The following PRICKLE2 variants were observed in gnomAD, a reference collection of about 807,000 sequenced individuals.
The protein encoded by PRICKLE2 is prickle planar cell polarity protein 2, also known as prickle-like protein 2.
PRICKLE2 carries 21 observed loss-of-function variants against 81.4 expected under a neutral mutation model. The ratio of observed to expected loss-of-function variants is 0.26; its 90% CI spans 0.18 to 0.37. PRICKLE2 has a LOEUF of 0.37. PRICKLE2 is among the 10% of genes least tolerant of loss of function. PRICKLE2 has a pLI of 1.00. For missense variants in PRICKLE2, 940 were observed against 1,109.0 expected, an observed-to-expected ratio of 0.85 and a Z score of 2.16; for synonymous variants, 456 against 421.5, an observed-to-expected ratio of 1.08 and a Z score of -1.00.
chr3:64,181,121 G>A (rs2078124560), intron 2 of PRICKLE2, among the ~76,000 whole-genome samples: 1 of 152,140 alleles, frequency 6.6e-6, no homozygotes, highest in Admixed American at 6.6e-5. Context: ...TGATAATTGG[G>A]CAAGTTATAG....
At chr3:64,222,600 G>A (rs760018992) in intron 1 of PRICKLE2, among the ~76,000 whole-genome samples, 9 of 152,162 alleles carry the variant, frequency 5.9e-5, no homozygotes, top group Non-Finnish European at 1.0e-4. Flanking sequence ...GCCATGGTAG[G>A]CAGGCAGGCA....
intron 2 of PRICKLE2, among the ~76,000 whole-genome samples, chr3:64,264,396 G>T (rs2079665980): frequency 6.6e-6 from 1 of 152,120 alleles, no homozygotes; most frequent in Admixed American, 6.5e-5. Flanking sequence ...TCATACTACA[G>T]ACCTATGAAA....
At chr3:64,188,050 A>T (rs2078267195) in intron 2 of PRICKLE2, among the ~76,000 whole-genome samples, 1 of 152,226 alleles carries the variant, frequency 6.6e-6, no homozygotes, top group African/African-American at 2.4e-5. Flanking sequence ...AGGCAAAAAG[A>T]CAGGAATGGG....
At chr3:64,156,327 C>A (rs1187915133) in intron 5 of PRICKLE2, among the ~76,000 whole-genome samples, 3 of 152,144 alleles carry the variant, frequency 2.0e-5, no homozygotes, top group Non-Finnish European at 2.9e-5. Flanking sequence ...TAACAGTAGG[C>A]TGTCTGGCTG....
At chr3:64,160,987 A>C (rs973043914) in intron 3 of PRICKLE2, among the ~76,000 whole-genome samples, 1 of 151,674 alleles carries the variant, frequency 6.6e-6, no homozygotes, top group Non-Finnish European at 1.5e-5. Context: ...AACAAACAAA[A>C]AAACCAGAAG....
intron 1 of PRICKLE2, among the ~76,000 whole-genome samples, chr3:64,203,516 C>A (rs2078627067): frequency 6.6e-6 from 1 of 152,282 alleles, no homozygotes; most frequent in East Asian, 1.9e-4. Context: ...ACCAATTAAA[C>A]TCATTTATTC....
At chr3:64,180,014 C>G (rs695936) in intron 2 of PRICKLE2, among the ~76,000 whole-genome samples, 28,320 of 152,170 alleles carry the variant, frequency 0.19, 3,084 homozygotes, top group East Asian at 0.49. Flanking sequence ...ACCTTAAATA[C>G]TAAACAGGCC....
At chr3:64,156,400 C>T (rs2077635917) in intron 5 of PRICKLE2, among the ~76,000 whole-genome samples, 1 of 152,222 alleles carries the variant, frequency 6.6e-6, no homozygotes, top group Non-Finnish European at 1.5e-5. Context: ...ATGCAAAAAA[C>T]TCCTTTGCAC....
At chr3:64,204,756 A>G (rs574553301) in intron 1 of PRICKLE2, among the ~76,000 whole-genome samples, 2 of 152,078 alleles carry the variant, frequency 1.3e-5, no homozygotes, top group Non-Finnish European at 2.9e-5. Flanking sequence ...GTGGCAAGAC[A>G]TTTTTCTTTG....
Position 64,098,584 on chromosome 3 carries a change from T to C in PRICKLE2, c.*467A>G, listed in dbSNP as rs1281140119. 2.3e-5 allele frequency: 4 copies of C among 176,066 alleles called. No homozygotes were observed. The highest frequency in any genetic ancestry group is 4.8e-5 in the African/African-American group (2 of 41,870). 10.9% of individuals were successfully genotyped at this position (176,066 alleles called of 1,614,324 possible). A position where few individuals can be genotyped will look rare whatever the true frequency, so the allele number is the denominator to read the frequency against. ...TGAGTCCTACGATATAGAAATTCCT[T>C]TGATATTACAAAATACAAAAATATT... On this transcript the variant is annotated 3_prime_UTR_variant, in exon 8 of 8. Coordinates refer to ENST00000638394, the MANE Select transcript of PRICKLE2 (RefSeq NM_198859.4).
intron 2 of PRICKLE2, among the ~76,000 whole-genome samples, chr3:64,165,061 G>A (rs17720984): frequency 0.21 from 31,227 of 152,078 alleles, 3,623 homozygotes; most frequent in Non-Finnish European, 0.25. Flanking sequence ...TTCCATTGTC[G>A]TTATGGAACA....
At chr3:64,199,126 G>A in intron 1 of PRICKLE2, 159 bp from the exon 2 acceptor site, 1 of 696,404 alleles carries the variant, frequency 1.4e-6, no homozygotes, top group South Asian at 1.8e-5. Flanking sequence ...GAACATGACT[G>A]TCTTTGCAGA....
At chr3:64,225,926 C>T (rs1315630742), upstream of PRICKLE2, among the ~76,000 whole-genome samples, 1 of 150,504 alleles carries the variant, frequency 6.6e-6, no homozygotes, top group Non-Finnish European at 1.5e-5. Context: ...CTTTCATTTT[C>T]GGGTGTTGCT....
At chr3:64,226,806 A>T (rs1357415898), upstream of PRICKLE2, among the ~76,000 whole-genome samples, 2 of 152,218 alleles carry the variant, frequency 1.3e-5, no homozygotes, top group East Asian at 3.9e-4. Flanking sequence ...GAGAGGCAAG[A>T]GCCAGGCAAT....
upstream of PRICKLE2, among the ~76,000 whole-genome samples, chr3:64,228,811 TTC>T (rs2107158581): frequency 6.6e-6 from 1 of 152,236 alleles, no homozygotes; most frequent in South Asian, 2.1e-4. Flanking sequence ...CTTCAGAACT[TTC>T]TGTTTAGGTA....
At position 64,186,187 on chromosome 3, in the gene PRICKLE2, T is replaced by C. The variant is rs548452551; in HGVS notation, c.144+12597A>G. 3.3e-5 allele frequency among the ~76,000 whole-genome samples: 5 copies of C among 152,354 alleles called. No individual in the cohort carries two copies. The East Asian group carries it at 9.6e-4, about 29-fold the overall frequency. ...TTTATCCATGTACCTGTGGATAGAC[T>C]TTTGAGTTATTTCCAATTTTTGACT... On this transcript the variant is annotated intron_variant, in intron 2 of 7. Transcript: ENST00000638394.
chr3:64,251,119 T>G (rs944706239), intron 2 of PRICKLE2, among the ~76,000 whole-genome samples: 1 of 152,212 alleles, frequency 6.6e-6, no homozygotes, highest in African/African-American at 2.4e-5. Flanking sequence ...TTTGATTAAA[T>G]GAATCAATCA....
chr3:64,101,516 C>T (rs2076662211), intron 7 of PRICKLE2: 1 of 152,098 alleles, frequency 6.6e-6, no homozygotes, highest in African/African-American at 2.4e-5. Context: ...TTGAAGGGGC[C>T]CCCACTGGCC....
chr3:64,232,735 A>G (rs1163465179), intron 2 of PRICKLE2, among the ~76,000 whole-genome samples: 2 of 152,158 alleles, frequency 1.3e-5, no homozygotes, highest in Non-Finnish European at 2.9e-5. Flanking sequence ...CCAACTGCCT[A>G]TGTCACATCT....
Sources: allele counts gnomAD v4.1 joint callset (sites outside exome capture counted in the v4.1 genomes callset), GRCh38; gene constraint gnomAD v4.1.1; transcripts MANE v1.5; gene names NCBI Gene and HGNC (gene_info 2026-07-23, HGNC 2026-07-21).